MCM9: variants seen among roughly 807,000 people sequenced by gnomAD.
MCM9 encodes the protein DNA helicase MCM9.
Under a neutral mutation model 72.8 loss-of-function variants are expected in MCM9, and 55 were observed. That is an observed-to-expected ratio of 0.76 (90% CI 0.61 to 0.95). The LOEUF (loss-of-function observed/expected upper bound fraction) is 0.95, where lower values mean the gene tolerates loss of function less well. MCM9 is among the 40% of genes least tolerant of loss of function. MCM9 has a pLI of 0.00. For synonymous variants in MCM9, 480 were observed against 503.4 expected (o/e 0.95, Z 0.62); for missense variants, 1,279 against 1,377.0 (o/e 0.93, Z 1.13).
At chr6:118,850,657 T>A (rs1451784226) in intron 9 of MCM9, among the ~76,000 whole-genome samples, 1 of 151,848 alleles carries the variant, frequency 6.6e-6, no homozygotes, top group African/African-American at 2.4e-5. Context: ...TTGGTATTTG[T>A]TGTCCTGAGT....
At chr6:118,858,897 A>T (rs1317609697) in intron 8 of MCM9, among the ~76,000 whole-genome samples, 1 of 152,210 alleles carries the variant, frequency 6.6e-6, no homozygotes. Context: ...GCAAAATCCT[A>T]GCATGATTTT....
At chr6:118,855,548 T>A (rs1776501967) in intron 9 of MCM9, among the ~76,000 whole-genome samples, 1 of 152,146 alleles carries the variant, frequency 6.6e-6, no homozygotes, top group African/African-American at 2.4e-5. Flanking sequence ...CTCCATTAAT[T>A]TTTTGCTGGA....
chr6:118,845,794 T>C (rs374650428), intron 9 of MCM9, among the ~76,000 whole-genome samples: 1 of 151,832 alleles, frequency 6.6e-6, no homozygotes, highest in East Asian at 1.9e-4. Flanking sequence ...GAATTTTTTA[T>C]AGAAATTTTT....
At chr6:118,830,373 T>C (rs1215669596) in intron 9 of MCM9, among the ~76,000 whole-genome samples, 2 of 152,174 alleles carry the variant, frequency 1.3e-5, no homozygotes, top group Non-Finnish European at 2.9e-5. Context: ...AATCTTTATT[T>C]GTGGCAAGTG....
chr6:118,934,611 C>G (rs1327222101), intron 1 of MCM9: 2 of 152,076 alleles, frequency 1.3e-5, no homozygotes, highest in Admixed American at 1.3e-4. Flanking sequence ...TTTCGCGCCT[C>G]CGGGCCGCTC....
At chr6:118,833,089 C>A (rs1040545391) in intron 9 of MCM9, among the ~76,000 whole-genome samples, 1 of 152,090 alleles carries the variant, frequency 6.6e-6, no homozygotes, top group Non-Finnish European at 1.5e-5. Context: ...GAGGATAAAG[C>A]CCTGGAGTCA....
At chr6:118,896,335 T>C (rs184491746) in intron 8 of MCM9, among the ~76,000 whole-genome samples, 64 of 152,280 alleles carry the variant, frequency 4.2e-4, no homozygotes, top group African/African-American at 1.5e-3. Context: ...TTCCAACTTA[T>C]ACCACACTGT....
chr6:118,916,225 T>C (rs2114297864), intron 6 of MCM9, among the ~76,000 whole-genome samples: 1 of 151,700 alleles, frequency 6.6e-6, no homozygotes, highest in South Asian at 2.1e-4. Context: ...CATTTTAATT[T>C]TAAAAATCAT....
chr6:118,867,213 A>G (rs1463637803), intron 8 of MCM9, among the ~76,000 whole-genome samples: 1 of 152,218 alleles, frequency 6.6e-6, no homozygotes, highest in Non-Finnish European at 1.5e-5. Flanking sequence ...AGAAGACACT[A>G]TTAGTAACAT....
chr6:118,916,484 A>T (rs569544648), intron 6 of MCM9, among the ~76,000 whole-genome samples: 93 of 149,220 alleles, frequency 6.2e-4, no homozygotes, highest in Non-Finnish European at 1.1e-3. Context: ...TATGAGACAG[A>T]GTCTCACTCT....
intron 13 of MCM9, among the ~76,000 whole-genome samples, chr6:118,817,590 A>C (rs1773493830): frequency 6.6e-6 from 1 of 152,214 alleles, no homozygotes; most frequent in Non-Finnish European, 1.5e-5. Flanking sequence ...ATAGAGCTGC[A>C]ATAAACATAC....
chr6:118,872,046 G>A (rs1429836849), intron 8 of MCM9, among the ~76,000 whole-genome samples: 5 of 151,986 alleles, frequency 3.3e-5, no homozygotes, highest in Non-Finnish European at 7.4e-5. Context: ...GGCCGGGCGC[G>A]GTGGCTCAAG....
At chr6:118,871,459 G>A (rs943979926) in intron 8 of MCM9, among the ~76,000 whole-genome samples, 1 of 152,114 alleles carries the variant, frequency 6.6e-6, no homozygotes, top group Non-Finnish European at 1.5e-5. Context: ...AACAAGTTAG[G>A]GGTAGAAGGA....
intron 1 of MCM9, among the ~76,000 whole-genome samples, chr6:118,933,419 T>C (rs998374817): frequency 6.7e-6 from 1 of 150,014 alleles, no homozygotes; most frequent in African/African-American, 2.5e-5. Context: ...GGCAGGAGAA[T>C]GGCGTGAACC....
At chr6:118,865,020 G>T (rs146268249) in intron 8 of MCM9, among the ~76,000 whole-genome samples, 1 of 152,148 alleles carries the variant, frequency 6.6e-6, no homozygotes, top group African/African-American at 2.4e-5. Flanking sequence ...GAAGTGGACC[G>T]GCACTTCTTG....
At chr6:118,844,706 G>A (rs555179443) in intron 9 of MCM9, among the ~76,000 whole-genome samples, 4 of 149,436 alleles carry the variant, frequency 2.7e-5, no homozygotes, top group East Asian at 4.1e-4. Context: ...TTAAACCCTC[G>A]CCATCCTTTT....
At chr6:118,832,459 T>C (rs1424141400) in intron 9 of MCM9, among the ~76,000 whole-genome samples, 2 of 152,252 alleles carry the variant, frequency 1.3e-5, no homozygotes, top group Non-Finnish European at 2.9e-5. Context: ...TTAATAAATG[T>C]ACATAATTTA....
chr6:118,928,451 T>C (rs1782088684), intron 3 of MCM9, among the ~76,000 whole-genome samples: 2 of 152,068 alleles, frequency 1.3e-5, no homozygotes, highest in Admixed American at 1.3e-4. Flanking sequence ...AATGCTTAGG[T>C]TTGAGTCACA....
intron 9 of MCM9, among the ~76,000 whole-genome samples, chr6:118,849,627 T>G (rs1380320136): frequency 6.6e-6 from 1 of 151,778 alleles, no homozygotes; most frequent in Non-Finnish European, 1.5e-5. Context: ...CTAGAAATTA[T>G]TCACATCAAA....
Sources: gnomAD v4.1 joint callset for allele counts (sites outside exome capture counted in the v4.1 genomes callset) on GRCh38, gnomAD v4.1.1 for gene constraint, MANE v1.5 for transcripts, NCBI Gene and HGNC (gene_info 2026-07-23, HGNC 2026-07-21) for gene names.